CDK14: variants seen among roughly 807,000 people sequenced by gnomAD.
CDK14 encodes cyclin-dependent kinase 14.
A neutral mutation model predicts 60.7 loss-of-function variants in CDK14; 34 were observed. That is an observed-to-expected ratio of 0.56 (90% CI 0.43 to 0.75). The LOEUF is 0.75. Ranked by LOEUF, CDK14 falls within the 30% of genes least tolerant of loss-of-function variation. The probability of loss-of-function intolerance (pLI) is 0.00; values close to 1 mark genes in which losing one functional copy is unlikely to be tolerated. For missense variants in CDK14, 482 were observed against 564.1 expected (o/e 0.85, Z 1.47); for synonymous variants, 197 against 203.7 (o/e 0.97, Z 0.28).
chr7:91,169,331 C>G (rs1801442823), intron 14 of CDK14, among the ~76,000 whole-genome samples: 1 of 152,174 alleles, frequency 6.6e-6, no homozygotes, highest in Non-Finnish European at 1.5e-5. Flanking sequence ...GCTGGGCTGC[C>G]CTTTCACCCC....
At chr7:91,067,444 T>A (rs1042612465) in intron 11 of CDK14, among the ~76,000 whole-genome samples, 3 of 152,210 alleles carry the variant, frequency 2.0e-5, no homozygotes, top group Non-Finnish European at 4.4e-5. Context: ...CTGTCTTCAT[T>A]TGGAAAAGAA....
At chr7:90,848,396 C>T (rs894166290) in intron 5 of CDK14, among the ~76,000 whole-genome samples, 4 of 152,170 alleles carry the variant, frequency 2.6e-5, no homozygotes, top group Non-Finnish European at 5.9e-5. Flanking sequence ...CCACAGTGCC[C>T]AGCCAGTTTT....
intron 9 of CDK14, among the ~76,000 whole-genome samples, chr7:90,983,692 A>G (rs1795301139): frequency 6.6e-6 from 1 of 152,004 alleles, no homozygotes; most frequent in Non-Finnish European, 1.5e-5. Context: ...AAAAAAAAAA[A>G]AAGAATGAAA....
At chr7:91,107,250 G>A (rs1225237329) in intron 12 of CDK14, 1 of 152,114 alleles carries the variant, frequency 6.6e-6, no homozygotes, top group East Asian at 1.9e-4. Flanking sequence ...CATCATTTCT[G>A]TATGCTTTAT....
At chr7:90,759,042 C>A (rs964663811) in intron 4 of CDK14, among the ~76,000 whole-genome samples, 2 of 135,960 alleles carry the variant, frequency 1.5e-5, no homozygotes, top group South Asian at 2.4e-4. Context: ...GGTGACAGAG[C>A]GAGACTCTGT....
At chr7:91,019,148 C>T (rs1796376654) in intron 10 of CDK14, among the ~76,000 whole-genome samples, 1 of 152,134 alleles carries the variant, frequency 6.6e-6, no homozygotes, top group Non-Finnish European at 1.5e-5. Context: ...ATAGTAAACT[C>T]CAATAAATAA....
At chr7:90,728,323 C>T (rs564175013) in intron 3 of CDK14, among the ~76,000 whole-genome samples, 6 of 151,894 alleles carry the variant, frequency 4.0e-5, no homozygotes, top group South Asian at 2.1e-4. Flanking sequence ...TTCTCTTTTA[C>T]GATAACATTT....
intron 9 of CDK14, chr7:90,979,626 A>G (rs1371268488): frequency 6.6e-6 from 1 of 152,194 alleles, no homozygotes; most frequent in Admixed American, 6.6e-5. Flanking sequence ...CTTACGAACA[A>G]TGAGAAGTGA....
At chr7:90,652,054 A>G (rs1214762449) in intron 2 of CDK14, among the ~76,000 whole-genome samples, 1 of 152,126 alleles carries the variant, frequency 6.6e-6, no homozygotes, top group Non-Finnish European at 1.5e-5. Context: ...ACCAGTGGGC[A>G]CTTGCAGGAC....
intron 2 of CDK14, among the ~76,000 whole-genome samples, chr7:90,720,997 T>C (rs1435088618): frequency 6.6e-6 from 1 of 152,204 alleles, no homozygotes; most frequent in Non-Finnish European, 1.5e-5. Flanking sequence ...TTATTAAAAT[T>C]TAACTTCTTT....
At chr7:91,004,385 CA>C (rs1481690560) in intron 10 of CDK14, among the ~76,000 whole-genome samples, 1 of 152,180 alleles carries the variant, frequency 6.6e-6, no homozygotes, top group Non-Finnish European at 1.5e-5. Context: ...ATGAAATGGA[CA>C]AGTTCCTTGA....
intron 1 of CDK14, among the ~76,000 whole-genome samples, chr7:90,599,834 G>A (rs1799276506): frequency 6.6e-6 from 1 of 152,182 alleles, no homozygotes; most frequent in Non-Finnish European, 1.5e-5. Context: ...TTAGCTGTAA[G>A]AAATTATTAA....
intron 6 of CDK14, among the ~76,000 whole-genome samples, chr7:90,865,292 A>T (rs1330424604): frequency 6.6e-6 from 1 of 152,140 alleles, no homozygotes; most frequent in Non-Finnish European, 1.5e-5. Flanking sequence ...TTAGGGTGGG[A>T]AGGTGTAGAT....
At chr7:91,020,289 A>G (rs1796400659) in intron 10 of CDK14, among the ~76,000 whole-genome samples, 2 of 152,222 alleles carry the variant, frequency 1.3e-5, no homozygotes, top group African/African-American at 2.4e-5. Flanking sequence ...TAGCTTTACC[A>G]TTAACCATCA....
At chr7:90,910,952 G>A (rs1228974963) in intron 7 of CDK14, among the ~76,000 whole-genome samples, 1 of 152,060 alleles carries the variant, frequency 6.6e-6, no homozygotes, top group East Asian at 1.9e-4. Context: ...CCCTCTGGTA[G>A]GCCACAGTGT....
chr7:91,011,664 T>C (rs1796162106), intron 10 of CDK14, among the ~76,000 whole-genome samples: 1 of 152,170 alleles, frequency 6.6e-6, no homozygotes, highest in African/African-American at 2.4e-5. Context: ...TTGTTTCAGT[T>C]TGAAGCATTT....
chr7:90,736,109 C>CA (rs144926821), intron 3 of CDK14, among the ~76,000 whole-genome samples: 10,002 of 152,148 alleles, frequency 0.066, 549 homozygotes, highest in Non-Finnish European at 0.092. Context: ...GCTTCCTGGG[C>CA]AAGGCGATGC....
chr7:91,070,775 A>G (rs1333764286), intron 11 of CDK14, among the ~76,000 whole-genome samples: 1 of 152,074 alleles, frequency 6.6e-6, no homozygotes, highest in Admixed American at 6.6e-5. Flanking sequence ...TAAAAAAGGA[A>G]ATGTTAAAAA....
intron 7 of CDK14, among the ~76,000 whole-genome samples, chr7:90,909,265 G>A (rs1040066925): frequency 6.6e-6 from 1 of 152,108 alleles, no homozygotes; most frequent in East Asian, 1.9e-4. Context: ...GTAAGATTAT[G>A]TTATTTGAAT....
Sources: gnomAD v4.1 joint callset for allele counts (sites outside exome capture counted in the v4.1 genomes callset) on GRCh38, gnomAD v4.1.1 for gene constraint, MANE v1.5 for transcripts, NCBI Gene and HGNC (gene_info 2026-07-23, HGNC 2026-07-21) for gene names.